Variants in AUTS2 observed in about 807,000 individuals in gnomAD.
The protein encoded by AUTS2 is activator of transcription and developmental regulator AUTS2, also known as autism susceptibility gene 2 protein.
AUTS2 carries 17 observed loss-of-function variants against 112.4 expected under a neutral mutation model. The observed-to-expected ratio is 0.15, with a 90% CI of 0.10 to 0.23. The LOEUF is 0.23. AUTS2 is among the 10% of genes least tolerant of loss of function. AUTS2 has a pLI of 1.00. For missense variants in AUTS2, 1,510 were observed against 1,701.6 expected, an observed-to-expected ratio of 0.89 and a Z score of 1.98; for synonymous variants, 751 against 702.7, an observed-to-expected ratio of 1.07 and a Z score of -1.09.
At chr7:69,990,541 CAG>C (rs992583789) in intron 2 of AUTS2, among the ~76,000 whole-genome samples, 1 of 151,984 alleles carries the variant, frequency 6.6e-6, no homozygotes, top group African/African-American at 2.4e-5. Flanking sequence ...GTGTGTATGT[CAG>C]GGGAGGTGGA....
chr7:69,870,197 CTTTTG>C (rs1238175374), intron 1 of AUTS2, among the ~76,000 whole-genome samples: 1 of 151,724 alleles, frequency 6.6e-6, no homozygotes, highest in East Asian at 1.9e-4. Context: ...TGCCTTTGTT[CTTTTG>C]TTTTACTTTC....
chr7:69,914,356 G>GACACACACACACACACAC (rs66527808), intron 2 of AUTS2, among the ~76,000 whole-genome samples: 35 of 136,046 alleles, frequency 2.6e-4, no homozygotes, highest in African/African-American at 6.1e-4. Context: ...CACACACACA[G>GACACACACACACACACAC]ACACACACAC....
At chr7:70,556,006 C>T (rs552495242) in intron 5 of AUTS2, among the ~76,000 whole-genome samples, 6 of 152,254 alleles carry the variant, frequency 3.9e-5, no homozygotes, top group Admixed American at 6.5e-5. Context: ...CAGGGTTTCA[C>T]CTTGTTAGCC....
chr7:70,208,200 G>A (rs545230934), intron 4 of AUTS2, among the ~76,000 whole-genome samples: 1 of 152,092 alleles, frequency 6.6e-6, no homozygotes, highest in Admixed American at 6.5e-5. Flanking sequence ...TTGGCTTAAG[G>A]CAAACTTTCT....
chr7:70,769,333 G>A (rs1208455513), intron 10 of AUTS2, among the ~76,000 whole-genome samples: 9 of 152,300 alleles, frequency 5.9e-5, no homozygotes, highest in African/African-American at 1.9e-4. Flanking sequence ...TCTGGCCCAT[G>A]GATGCCACCA....
At chr7:69,612,748 C>T (rs1000247505) in intron 1 of AUTS2, among the ~76,000 whole-genome samples, 5 of 152,184 alleles carry the variant, frequency 3.3e-5, no homozygotes, top group Admixed American at 3.3e-4. Context: ...TGAGCCACTG[C>T]GCAGCATTTT....
chr7:69,811,292 G>A (rs1476146152), intron 1 of AUTS2, among the ~76,000 whole-genome samples: 1 of 151,976 alleles, frequency 6.6e-6, no homozygotes, highest in Non-Finnish European at 1.5e-5. Flanking sequence ...GTGATCTAGG[G>A]CTCTCTGTGG....
intron 4 of AUTS2, among the ~76,000 whole-genome samples, chr7:70,389,970 A>G (rs1230116985): frequency 6.6e-6 from 1 of 152,196 alleles, no homozygotes; most frequent in Non-Finnish European, 1.5e-5. Flanking sequence ...ACAGACATGC[A>G]TATTTTAGAT....
intron 1 of AUTS2, among the ~76,000 whole-genome samples, chr7:69,791,301 C>T (rs768716518): frequency 5.9e-5 from 9 of 152,114 alleles, no homozygotes; most frequent in African/African-American, 1.2e-4. Flanking sequence ...GTGTTCCCTT[C>T]GAGCAACATG....
chr7:70,667,842 C>A (rs1807423529), intron 5 of AUTS2, among the ~76,000 whole-genome samples: 1 of 152,220 alleles, frequency 6.6e-6, no homozygotes, highest in Non-Finnish European at 1.5e-5. Context: ...CAGAGTTAAT[C>A]CTAAATGTGC....
intron 5 of AUTS2, among the ~76,000 whole-genome samples, chr7:70,533,058 T>C (rs1267886569): frequency 6.6e-6 from 1 of 152,202 alleles, no homozygotes; most frequent in African/African-American, 2.4e-5. Context: ...AGGAGATGCC[T>C]CAGCATTTTA....
chr7:70,310,742 GCAA>G (rs1366465907), intron 4 of AUTS2, among the ~76,000 whole-genome samples: 1 of 152,102 alleles, frequency 6.6e-6, no homozygotes, highest in African/African-American at 2.4e-5. Context: ...AAAACAATTT[GCAA>G]CAACATCAGA....
At chr7:69,613,869 T>C (rs2533452) in intron 1 of AUTS2, among the ~76,000 whole-genome samples, 92,563 of 151,934 alleles carry the variant, frequency 0.61, 28,589 homozygotes, top group East Asian at 0.7. Context: ...TTTCTTGATA[T>C]CTGTATCTTG....
chr7:69,953,724 A>G (rs1209839559), intron 2 of AUTS2, among the ~76,000 whole-genome samples: 1 of 152,322 alleles, frequency 6.6e-6, no homozygotes, highest in East Asian at 1.9e-4. Context: ...AAATTTCTTC[A>G]TAGAAATACC....
chr7:70,161,379 A>G (rs960279855), intron 4 of AUTS2, among the ~76,000 whole-genome samples: 3 of 150,934 alleles, frequency 2.0e-5, no homozygotes, highest in Non-Finnish European at 3.0e-5. Context: ...TCTAAATGGG[A>G]TGTTCTTTCT....
At chr7:70,603,726 A>G (rs376058726) in intron 5 of AUTS2, among the ~76,000 whole-genome samples, 12 of 152,222 alleles carry the variant, frequency 7.9e-5, no homozygotes, top group Admixed American at 5.2e-4. Context: ...TCAGGAAAAG[A>G]GCAACAGGGA....
At chr7:70,158,453 T>A (rs1032846398) in intron 4 of AUTS2, among the ~76,000 whole-genome samples, 6 of 152,274 alleles carry the variant, frequency 3.9e-5, no homozygotes, top group African/African-American at 1.4e-4. Flanking sequence ...GTGGCAGTGA[T>A]TTATAGAGAG....
At chr7:70,279,685 G>T (rs1265448350) in intron 4 of AUTS2, among the ~76,000 whole-genome samples, 1 of 152,158 alleles carries the variant, frequency 6.6e-6, no homozygotes, top group Non-Finnish European at 1.5e-5. Flanking sequence ...CATTTGATAG[G>T]TGATAGCACT....
chr7:69,717,797 A>G (rs1367128526), intron 1 of AUTS2, among the ~76,000 whole-genome samples: 1 of 152,154 alleles, frequency 6.6e-6, no homozygotes, highest in Non-Finnish European at 1.5e-5. Context: ...TACACCCCCA[A>G]TATATGCAGT....
Sources: allele counts gnomAD v4.1 joint callset (sites outside exome capture counted in the v4.1 genomes callset), GRCh38; gene constraint gnomAD v4.1.1; transcripts MANE v1.5; gene names NCBI Gene and HGNC (gene_info 2026-07-23, HGNC 2026-07-21).